FHIT: variants seen among roughly 807,000 people sequenced by gnomAD.
The protein encoded by FHIT is fragile histidine triad diadenosine triphosphatase, also known as bis(5'-adenosyl)-triphosphatase.
Under a neutral mutation model 17.9 loss-of-function variants are expected in FHIT, and 19 were observed. That is an observed-to-expected ratio of 1.06 (90% CI 0.74 to 1.56). FHIT has a LOEUF of 1.56. FHIT is among the 40% of genes most tolerant of loss of function. The pLI is 0.00. For synonymous variants in FHIT, 81 were observed against 69.7 expected, an observed-to-expected ratio of 1.16 and a Z score of -0.81; for missense variants, 248 against 189.2, an observed-to-expected ratio of 1.31 and a Z score of -1.82.
At chr3:60,683,516 A>T (rs1559637625) in intron 4 of FHIT, among the ~76,000 whole-genome samples, 2 of 88,216 alleles carry the variant, frequency 2.3e-5, no homozygotes, top group South Asian at 5.4e-4. Flanking sequence ...AAAAATTTTT[A>T]AATTAAGATA....
At chr3:60,183,174 C>G (rs213422) in intron 5 of FHIT, among the ~76,000 whole-genome samples, 152,274 of 152,274 alleles carry the variant, frequency 1, 76,137 homozygotes, top group Non-Finnish European at 1. Flanking sequence ...GAGGCGTGCA[C>G]ATCACTTGAG....
intron 3 of FHIT, among the ~76,000 whole-genome samples, chr3:60,873,141 G>C (rs1014838646): frequency 1.4e-5 from 2 of 142,610 alleles, no homozygotes; most frequent in Non-Finnish European, 3.0e-5. Flanking sequence ...GGGAGAGGGA[G>C]AGAGAGAGAG....
At chr3:60,356,120 A>T (rs1699642580) in intron 5 of FHIT, among the ~76,000 whole-genome samples, 1 of 152,204 alleles carries the variant, frequency 6.6e-6, no homozygotes, top group Non-Finnish European at 1.5e-5. Context: ...TCATGAAATA[A>T]TTTTATGTTA....
chr3:60,164,980 C>G (rs188927982), intron 5 of FHIT, among the ~76,000 whole-genome samples: 2 of 152,060 alleles, frequency 1.3e-5, no homozygotes, highest in African/African-American at 2.4e-5. Flanking sequence ...AGAGTCACAA[C>G]GCAAAAACAA....
At chr3:60,049,168 GT>G (rs920866298) in intron 5 of FHIT, among the ~76,000 whole-genome samples, 17 of 152,054 alleles carry the variant, frequency 1.1e-4, no homozygotes, top group Admixed American at 3.9e-4. Context: ...AAATACTGGG[GT>G]TTTATGCTCA....
intron 5 of FHIT, among the ~76,000 whole-genome samples, chr3:60,263,913 G>T (rs1443493741): frequency 1.3e-5 from 2 of 151,632 alleles, no homozygotes; most frequent in Non-Finnish European, 2.9e-5. Flanking sequence ...TGGAGAAAGT[G>T]AGTGTTTTTT....
In FHIT at chr3:60,834,540, C is replaced by T. The variant is rs1438670982; in HGVS notation, c.-110-12529G>A. Among the ~76,000 whole-genome samples, 5 of 151,508 alleles carry T rather than the reference C, an allele frequency of 3.3e-5. 1 individual carries two copies. The highest frequency in any genetic ancestry group is 7.4e-5 in the Non-Finnish European group (5 of 67,648). The stretch of plus-strand genomic sequence containing the variant: ...TAGTTTGCAAATATTTTCTTCCAGC[C>T]TGTAGTTATTCTTTTCATTCTCTTA... On this transcript the variant is annotated intron_variant, in intron 3 of 9. Transcript: ENST00000492590.
intron 7 of FHIT, among the ~76,000 whole-genome samples, chr3:59,997,958 C>A (rs1422341660): frequency 6.6e-6 from 1 of 152,016 alleles, no homozygotes; most frequent in East Asian, 1.9e-4. Context: ...TAAGTTTCAG[C>A]AAAATTTAGT....
intron 5 of FHIT, among the ~76,000 whole-genome samples, chr3:60,188,011 CCATA>C (rs1354258477): frequency 6.6e-6 from 1 of 151,928 alleles, no homozygotes; most frequent in East Asian, 1.9e-4. Context: ...TGAAATTACC[CCATA>C]CATTTTCAAA....
chr3:60,598,528 G>T (rs1027126924), intron 4 of FHIT, among the ~76,000 whole-genome samples: 11 of 152,094 alleles, frequency 7.2e-5, no homozygotes, highest in African/African-American at 2.7e-4. Context: ...CCATGTTGTT[G>T]CAAGAGCAAA....
intron 5 of FHIT, among the ~76,000 whole-genome samples, chr3:60,411,988 G>C (rs1314703051): frequency 6.6e-6 from 1 of 151,956 alleles, no homozygotes; most frequent in African/African-American, 2.4e-5. Flanking sequence ...GTCTACTCTA[G>C]TATTTTCTCT....
intron 5 of FHIT, among the ~76,000 whole-genome samples, chr3:60,060,763 G>C (rs1466037884): frequency 2.0e-5 from 3 of 152,152 alleles, no homozygotes; most frequent in Non-Finnish European, 4.4e-5. Flanking sequence ...AATGGTTTTG[G>C]TTTGTTTTCT....
intron 4 of FHIT, among the ~76,000 whole-genome samples, chr3:60,547,321 A>T (rs1576852746): frequency 6.6e-6 from 1 of 152,202 alleles, no homozygotes; most frequent in Admixed American, 6.5e-5. Flanking sequence ...TAGGAACCTC[A>T]GTCCAAGGTT....
intron 5 of FHIT, among the ~76,000 whole-genome samples, chr3:60,234,425 C>G (rs1348540666): frequency 6.6e-6 from 1 of 152,150 alleles, no homozygotes; most frequent in African/African-American, 2.4e-5. Flanking sequence ...TATCCATACA[C>G]AATACATGCA....
chr3:61,157,952 T>A (rs2037579295), intron 2 of FHIT, among the ~76,000 whole-genome samples: 2 of 152,126 alleles, frequency 1.3e-5, no homozygotes, highest in African/African-American at 4.8e-5. Flanking sequence ...TTGGTAATAT[T>A]TACTTGTTGG....
At chr3:60,430,494 G>T (rs186871916) in intron 5 of FHIT, among the ~76,000 whole-genome samples, 353 of 151,972 alleles carry the variant, frequency 2.3e-3, no homozygotes, top group African/African-American at 7.7e-3. Flanking sequence ...GTTCATTGTG[G>T]GTCTAAGGGC....
In FHIT at chr3:61,250,012, C is replaced by G. The variant is rs1014537222; in HGVS notation, c.-213+1289G>C. On this transcript the variant is annotated intron_variant, in intron 1 of 9. Coordinates refer to ENST00000492590, the MANE Select transcript of FHIT (RefSeq NM_002012.4). ...CACAAACCCTAGACTTCTTTCTTTA[C>G]TAAATATTTCTAGTCCAGGTTGCAG... Among the ~76,000 whole-genome samples the G allele has an allele frequency of 1.1e-4, 16 of 146,934 alleles. 1 individual carries two copies. The highest frequency in any genetic ancestry group is 9.0e-5 in the Non-Finnish European group (6 of 66,906).
At chr3:60,244,833 T>G (rs1449260207) in intron 5 of FHIT, among the ~76,000 whole-genome samples, 1 of 152,142 alleles carries the variant, frequency 6.6e-6, no homozygotes, top group African/African-American at 2.4e-5. Context: ...TAATTTTAGT[T>G]ATGATTATTT....
In FHIT at chr3:60,818,670, T is replaced by C. The variant is rs184441828; in HGVS notation, c.-18+3249A>G. The stretch of plus-strand genomic sequence containing the variant: ...TTTTTGTCTGAAAGTTTAGTTTGTC[T>C]CATATTAATAAATTCAAGGGTCAAC... On this transcript the variant is annotated intron_variant, in intron 4 of 9. Coordinates refer to ENST00000492590, the MANE Select transcript of FHIT (RefSeq NM_002012.4). 3.6e-3 allele frequency among the ~76,000 whole-genome samples: 543 copies of C among 152,302 alleles called. 3 individuals carry two copies. The highest frequency in any genetic ancestry group is 6.1e-3 in the Non-Finnish European group (415 of 68,018).
Sources: gnomAD v4.1 joint callset for allele counts (sites outside exome capture counted in the v4.1 genomes callset) on GRCh38, gnomAD v4.1.1 for gene constraint, MANE v1.5 for transcripts, NCBI Gene and HGNC (gene_info 2026-07-23, HGNC 2026-07-21) for gene names.